CCSER1: variants seen among roughly 807,000 people sequenced by gnomAD.
The protein encoded by CCSER1 is coiled-coil serine rich protein 1, also known as serine-rich coiled-coil domain-containing protein 1.
In CCSER1, 41 loss-of-function variants were observed where a neutral mutation model predicts 82.0. That is an observed-to-expected ratio of 0.50 (90% CI 0.39 to 0.65). CCSER1 has a LOEUF of 0.65. CCSER1 is among the 30% of genes least tolerant of loss of function. The probability of loss-of-function intolerance (pLI) is 0.00; values close to 1 mark genes in which losing one functional copy is unlikely to be tolerated. For missense variants in CCSER1, 1,119 were observed against 1,064.2 expected, an observed-to-expected ratio of 1.05 and a Z score of -0.72; for synonymous variants, 414 against 383.9, an observed-to-expected ratio of 1.08 and a Z score of -0.92.
intron 10 of CCSER1, among the ~76,000 whole-genome samples, chr4:91,321,600 T>A (rs1172353568): frequency 6.6e-6 from 1 of 152,098 alleles, no homozygotes; most frequent in Admixed American, 6.6e-5. Context: ...ACTATCTTTT[T>A]AAAAACTCTC....
chr4:90,184,055 T>C (rs1463278385), intron 1 of CCSER1, among the ~76,000 whole-genome samples: 1 of 152,158 alleles, frequency 6.6e-6, no homozygotes, highest in Non-Finnish European at 1.5e-5. Context: ...GTGCTTGAAG[T>C]ATCTAGCACT....
At chr4:91,322,227 C>CT (rs2149266193) in intron 10 of CCSER1, among the ~76,000 whole-genome samples, 1 of 152,122 alleles carries the variant, frequency 6.6e-6, no homozygotes, top group Admixed American at 6.6e-5. Flanking sequence ...TTTTTATATT[C>CT]TTTAAGAATC....
chr4:90,506,687 C>T (rs1462768256), intron 5 of CCSER1, among the ~76,000 whole-genome samples: 1 of 151,782 alleles, frequency 6.6e-6, no homozygotes, highest in Non-Finnish European at 1.5e-5. Context: ...ATGGCTTGAA[C>T]CTGGGAGGCG....
At chr4:90,303,663 A>C (rs1415599879) in intron 1 of CCSER1, among the ~76,000 whole-genome samples, 4 of 152,088 alleles carry the variant, frequency 2.6e-5, no homozygotes, top group African/African-American at 4.8e-5. Context: ...AGATGGATTA[A>C]AGACTTAAAT....
At chr4:91,251,011 G>T (rs79364759) in intron 10 of CCSER1, among the ~76,000 whole-genome samples, 1,682 of 152,142 alleles carry the variant, frequency 0.011, 43 homozygotes, top group African/African-American at 0.038. Flanking sequence ...ACATAGATTT[G>T]CTCCTTTTAC....
intron 8 of CCSER1, among the ~76,000 whole-genome samples, chr4:90,875,917 G>T (rs1767145487): frequency 6.6e-6 from 1 of 152,118 alleles, no homozygotes; most frequent in South Asian, 2.1e-4. Flanking sequence ...TATTGCGATG[G>T]TGTTTCACTT....
At position 91,582,750 on chromosome 4, in the gene CCSER1, A is replaced by T. The variant is rs181961421; in HGVS notation, c.2218-15822A>T. ...CTGTCTATCAATCAATCAATCTATCATCTCTGATGGGATTATTTACCTTAG... is the reference window on the plus strand; with the variant it reads ...CTGTCTATCAATCAATCAATCTATCTTCTCTGATGGGATTATTTACCTTAG... On this transcript the variant is annotated intron_variant, in intron 10 of 10. Transcript: ENST00000509176. Among the ~76,000 whole-genome samples, 3 of 151,490 alleles carry T rather than the reference A, an allele frequency of 2.0e-5. No homozygotes were observed. The East Asian group carries it at 5.8e-4, about 30-fold the overall frequency.
At chr4:91,178,259 G>T (rs1262898307) in intron 10 of CCSER1, among the ~76,000 whole-genome samples, 3 of 152,178 alleles carry the variant, frequency 2.0e-5, no homozygotes. Context: ...AATAGGTGTG[G>T]TGTGGTGCTG....
intron 1 of CCSER1, among the ~76,000 whole-genome samples, chr4:90,264,475 C>A (rs1166388126): frequency 6.6e-6 from 1 of 152,088 alleles, no homozygotes; most frequent in Non-Finnish European, 1.5e-5. Flanking sequence ...AGAATATTTT[C>A]ATATTAGGAT....
intron 7 of CCSER1, among the ~76,000 whole-genome samples, chr4:90,751,379 TA>T (rs1231460288): frequency 2.6e-5 from 4 of 152,140 alleles, no homozygotes; most frequent in Non-Finnish European, 4.4e-5. Context: ...CAGCTGCCTC[TA>T]AAGTATCTTT....
In CCSER1 at chr4:90,780,610, G is replaced by A. The variant is rs896450974; in HGVS notation, c.2011-35152G>A. The A allele has an allele frequency of 1.5e-5, 21 of 1,445,380 alleles. No homozygotes were observed. The African/African-American group carries it at 2.9e-4, about 20-fold the overall frequency. The allele number at this position is 1,445,380 out of a possible 1,614,324, so 89.5% of individuals were successfully genotyped here. ...TCTGAAAGGAAAAGAAATAGGCAAA[G>A]GACAGTAGGCTTTTCTATATCATTA... On this transcript the variant is annotated intron_variant, in intron 7 of 10. Transcript: ENST00000509176.
At chr4:91,350,663 C>G (rs980815910) in intron 10 of CCSER1, among the ~76,000 whole-genome samples, 1 of 151,912 alleles carries the variant, frequency 6.6e-6, no homozygotes, top group African/African-American at 2.4e-5. Flanking sequence ...GACTGCAGAA[C>G]GTTGATAGTT....
chr4:90,962,564 C>A (rs991414510), intron 9 of CCSER1, among the ~76,000 whole-genome samples: 2 of 151,944 alleles, frequency 1.3e-5, no homozygotes, highest in African/African-American at 4.8e-5. Context: ...GCTTCAGTGG[C>A]CCACATAGGT....
intron 9 of CCSER1, among the ~76,000 whole-genome samples, chr4:91,007,036 A>G (rs2150491874): frequency 6.6e-6 from 1 of 152,278 alleles, no homozygotes; most frequent in Non-Finnish European, 1.5e-5. Context: ...AAATAATTGT[A>G]TGTTTTTTGT....
chr4:91,247,768 T>C (rs1739912800), intron 10 of CCSER1, among the ~76,000 whole-genome samples: 1 of 152,094 alleles, frequency 6.6e-6, no homozygotes, highest in Admixed American at 6.5e-5. Context: ...ACTTGGGAGC[T>C]GAGACAGGAG....
At chr4:91,018,726 T>C (rs1228009437) in intron 9 of CCSER1, among the ~76,000 whole-genome samples, 3 of 152,016 alleles carry the variant, frequency 2.0e-5, no homozygotes, top group Non-Finnish European at 4.4e-5. Context: ...TTTCTCATGC[T>C]GAACCCCCTC....
intron 5 of CCSER1, among the ~76,000 whole-genome samples, chr4:90,529,974 A>G (rs999869085): frequency 2.0e-5 from 3 of 151,064 alleles, no homozygotes; most frequent in Non-Finnish European, 4.4e-5. Flanking sequence ...CTAATGGTAG[A>G]GAATATCTGA....
intron 9 of CCSER1, among the ~76,000 whole-genome samples, chr4:90,994,515 G>T (rs183849499): frequency 6.6e-6 from 1 of 151,874 alleles, no homozygotes; most frequent in Non-Finnish European, 1.5e-5. Flanking sequence ...ATCATAAGTT[G>T]AACCATCATA....
intron 4 of CCSER1, among the ~76,000 whole-genome samples, chr4:90,406,796 T>C (rs1425728972): frequency 6.6e-6 from 1 of 152,184 alleles, no homozygotes; most frequent in Non-Finnish European, 1.5e-5. Context: ...CTTAAAAAAT[T>C]ATTTGAACTG....
Sources: gnomAD v4.1 joint callset for allele counts (sites outside exome capture counted in the v4.1 genomes callset) on GRCh38, gnomAD v4.1.1 for gene constraint, MANE v1.5 for transcripts, NCBI Gene and HGNC (gene_info 2026-07-23, HGNC 2026-07-21) for gene names.